Variants in FANCD2OS observed in about 807,000 individuals in gnomAD.
FANCD2OS encodes the protein FANCD2 opposite strand, also known as FANCD2 opposite strand protein.
FANCD2OS carries 11 observed loss-of-function variants against 13.2 expected under a neutral mutation model. That is an observed-to-expected ratio of 0.83 (90% CI 0.52 to 1.38). The LOEUF (loss-of-function observed/expected upper bound fraction) is 1.38. Ranked by LOEUF, FANCD2OS falls within the 40% of genes most tolerant of loss-of-function variation. The probability of loss-of-function intolerance (pLI) is 0.00; values close to 1 mark genes in which losing one functional copy is unlikely to be tolerated. For synonymous variants in FANCD2OS, 69 were observed against 84.5 expected (o/e 0.82, Z 1.01); for missense variants, 217 against 213.9 (o/e 1.01, Z -0.09).
chr3:10,090,224 T>C, intron 2 of FANCD2OS: 1 of 1,203,680 alleles, frequency 8.3e-7, no homozygotes, highest in Non-Finnish European at 1.2e-6. Flanking sequence ...TTTTGGTTCC[T>C]GGTTCTTCCC....
upstream of FANCD2OS, among the ~76,000 whole-genome samples, chr3:10,108,443 G>A (rs923196506): frequency 1.3e-5 from 2 of 152,156 alleles, no homozygotes; most frequent in Non-Finnish European, 2.9e-5. Context: ...TTGGCCTTCA[G>A]GAGGGCTGGT....
chr3:10,088,584 T>A (rs369777245), intron 2 of FANCD2OS: 38 of 1,361,124 alleles, frequency 2.8e-5, no homozygotes, highest in Non-Finnish European at 3.9e-5. Context: ...ATAGCTTTTT[T>A]CTATTTTGCT....
At chr3:10,095,937 A>G (rs565721005) in intron 2 of FANCD2OS, among the ~76,000 whole-genome samples, 2 of 144,136 alleles carry the variant, frequency 1.4e-5, no homozygotes, top group South Asian at 2.2e-4. Context: ...GCCGGAGTGC[A>G]GTGGCACAAT....
intron 2 of FANCD2OS, chr3:10,094,729 G>A (rs1005795380): frequency 9.3e-6 from 3 of 321,658 alleles, no homozygotes; most frequent in Non-Finnish European, 1.8e-5. Context: ...GCTCATTTGT[G>A]TCATAAAACC....
chr3:10,095,055 T>C, intron 2 of FANCD2OS: 2 of 708,918 alleles, frequency 2.8e-6, no homozygotes, highest in Non-Finnish European at 2.5e-6. Flanking sequence ...ATTCCTCCTA[T>C]TTGAGAGGCA....
At chr3:10,097,552 G>A (rs534324594) in intron 2 of FANCD2OS, among the ~76,000 whole-genome samples, 1 of 152,362 alleles carries the variant, frequency 6.6e-6, no homozygotes, top group African/African-American at 2.4e-5. Flanking sequence ...GGCGGTCAGA[G>A]TTTAAGGTTA....
chr3:10,093,137 T>C, intron 2 of FANCD2OS: 1 of 672,586 alleles, frequency 1.5e-6, no homozygotes, highest in East Asian at 2.7e-5. Flanking sequence ...TACTTTATTC[T>C]GCTTTGTAAT....
intron 2 of FANCD2OS, among the ~76,000 whole-genome samples, chr3:10,091,986 A>G (rs1047643525): frequency 2.0e-5 from 3 of 152,192 alleles, no homozygotes; most frequent in African/African-American, 4.8e-5. Flanking sequence ...GTCTGTCCCT[A>G]TGAGGTGTTC....
chr3:10,098,947 A>G (rs749940072), downstream of FANCD2OS: 8 of 1,614,076 alleles, frequency 5.0e-6, no homozygotes, highest in Admixed American at 8.3e-5. Context: ...CATTCCCTCC[A>G]TAACAGCTTC....
intron 1 of FANCD2OS, among the ~76,000 whole-genome samples, chr3:10,107,683 C>A (rs1695540776): frequency 6.6e-6 from 1 of 152,068 alleles, no homozygotes; most frequent in Non-Finnish European, 1.5e-5. Flanking sequence ...CGCGGTGGCT[C>A]AGGCCTGCAA....
At chr3:10,105,748 CT>C (rs1695450896) in intron 1 of FANCD2OS, among the ~76,000 whole-genome samples, 2 of 15,688 alleles carry the variant, frequency 1.3e-4, no homozygotes, top group Non-Finnish European at 1.0e-4. Flanking sequence ...AAGACTCCAT[CT>C]AAAAAAAAAA....
intron 2 of FANCD2OS, among the ~76,000 whole-genome samples, chr3:10,086,774 G>A (rs1255007823): frequency 3.9e-5 from 6 of 152,154 alleles, no homozygotes; most frequent in Non-Finnish European, 8.8e-5. Context: ...CACCATGCCC[G>A]GCCTGTGAAC....
intron 2 of FANCD2OS, among the ~76,000 whole-genome samples, chr3:10,093,937 T>C (rs1043183132): frequency 1.3e-5 from 2 of 152,178 alleles, no homozygotes; most frequent in African/African-American, 4.8e-5. Flanking sequence ...AATTTAGAAA[T>C]TGGTCATATG....
chr3:10,103,749 T>A (rs1342807774), downstream of FANCD2OS, among the ~76,000 whole-genome samples: 4 of 152,210 alleles, frequency 2.6e-5, no homozygotes, highest in Non-Finnish European at 4.4e-5. Flanking sequence ...TTTTGTACAC[T>A]CTAGTGGTAT....
intron 2 of FANCD2OS, among the ~76,000 whole-genome samples, chr3:10,089,109 AC>A (rs1694419284): frequency 6.6e-6 from 1 of 151,992 alleles, no homozygotes; most frequent in African/African-American, 2.4e-5. Flanking sequence ...ACATAGTGAA[AC>A]CCTGTCCCTA....
chr3:10,102,271 A>G (rs1246241102), downstream of FANCD2OS, among the ~76,000 whole-genome samples: 7 of 150,484 alleles, frequency 4.7e-5, no homozygotes, highest in Non-Finnish European at 1.5e-5. Flanking sequence ...AGCCCCCTGT[A>G]TAGGTGGGAC....
intron 1 of FANCD2OS, among the ~76,000 whole-genome samples, chr3:10,105,738 A>T (rs1393137665): frequency 1.7e-5 from 2 of 117,936 alleles, no homozygotes; most frequent in African/African-American, 6.3e-5. Context: ...GTGAAAGAGC[A>T]AGACTCCATC....
chr3:10,090,403 C>G (rs1472588999), intron 2 of FANCD2OS: 1 of 1,409,020 alleles, frequency 7.1e-7, no homozygotes, highest in South Asian at 1.1e-5. Flanking sequence ...AGATAATAGT[C>G]ACTTCAAGAA....
At chr3:10,104,807 G>C in intron 1 of FANCD2OS, 25 bp from the exon 2 acceptor site, 1 of 1,523,090 alleles carries the variant, frequency 6.6e-7, no homozygotes, top group South Asian at 1.3e-5. Flanking sequence ...TCAGAGCATG[G>C]AATTTCCCTG....
Sources: allele counts gnomAD v4.1 joint callset (sites outside exome capture counted in the v4.1 genomes callset), GRCh38; gene constraint gnomAD v4.1.1; transcripts MANE v1.5; gene names NCBI Gene and HGNC (gene_info 2026-07-23, HGNC 2026-07-21).